RBFOX1: variants seen among roughly 807,000 people sequenced by gnomAD.
The protein encoded by RBFOX1 is RNA binding fox-1 homolog 1.
Under a neutral mutation model 57.7 loss-of-function variants are expected in RBFOX1, and 8 were observed. That is an observed-to-expected ratio of 0.14 (90% confidence interval 0.08 to 0.25). The LOEUF is 0.25. RBFOX1 is among the 10% of genes least tolerant of loss of function. The pLI, the probability that RBFOX1 is intolerant of heterozygous loss-of-function variation, is 1.00. For synonymous variants in RBFOX1, 326 were observed against 222.4 expected (o/e 1.47, Z -4.15); for missense variants, 611 against 548.5 (o/e 1.11, Z -1.14).
chr16:5,434,876 G>C (rs2067868922), intron 1 of RBFOX1, among the ~76,000 whole-genome samples: 1 of 147,252 alleles, frequency 6.8e-6, no homozygotes, highest in African/African-American at 2.5e-5. Flanking sequence ...GCTTTACATA[G>C]CATGTCTTGA....
rs79246139 is a variant in RBFOX1, at chr16:6,442,125, G to A, written c.-64+125068G>A. Among the ~76,000 whole-genome samples, 1,254 of 152,248 alleles carry A rather than the reference G, an allele frequency of 8.2e-3. 8 individuals carry two copies. Among genetic ancestry groups the A allele is most frequent in the Non-Finnish European group, 0.011 (780 of 68,030 alleles). The stretch of plus-strand genomic sequence containing the variant: ...CCGGGTGATAGAAAGGGTCATTGAC[G>A]TCCAGCCCTTCAGCAGCCAGTGAGA... On this transcript the variant is annotated intron_variant, in intron 2 of 15. Transcript: ENST00000550418.
intron 5 of RBFOX1, among the ~76,000 whole-genome samples, chr16:7,542,782 A>G (rs2083304009): frequency 6.7e-6 from 1 of 150,096 alleles, no homozygotes; most frequent in Admixed American, 6.7e-5. Flanking sequence ...CATGAGAATC[A>G]ATTGAACCTG....
At chr16:7,109,769 C>G (rs1166711218) in intron 4 of RBFOX1, among the ~76,000 whole-genome samples, 1 of 152,088 alleles carries the variant, frequency 6.6e-6, no homozygotes, top group Non-Finnish European at 1.5e-5. Flanking sequence ...CTCCTTTGAG[C>G]AATTTCATTC....
intron 3 of RBFOX1, among the ~76,000 whole-genome samples, chr16:5,825,761 GGAA>G: frequency 6.9e-6 from 1 of 145,560 alleles, no homozygotes; most frequent in Non-Finnish European, 1.5e-5. Flanking sequence ...ATATGAATAA[GGAA>G]TAATATTCCT....
chr16:6,669,576 G>A (rs1029798893), intron 3 of RBFOX1, among the ~76,000 whole-genome samples: 1 of 152,254 alleles, frequency 6.6e-6, no homozygotes, highest in South Asian at 2.1e-4. Context: ...TTATGAAAAA[G>A]TCGTTAGAAT....
chr16:5,716,239 C>T (rs759663959), intron 3 of RBFOX1, among the ~76,000 whole-genome samples: 1 of 152,244 alleles, frequency 6.6e-6, no homozygotes, highest in Non-Finnish European at 1.5e-5. Context: ...TTAAAATCAG[C>T]GGCAAAAACT....
At chr16:6,743,551 G>A (rs1169911191) in intron 3 of RBFOX1, among the ~76,000 whole-genome samples, 4 of 152,060 alleles carry the variant, frequency 2.6e-5, no homozygotes, top group African/African-American at 7.3e-5. Flanking sequence ...AGACCAACCT[G>A]AGCAACATGA....
intron 4 of RBFOX1, among the ~76,000 whole-genome samples, chr16:7,409,487 A>G (rs1195212234): frequency 6.6e-6 from 1 of 152,236 alleles, no homozygotes; most frequent in East Asian, 1.9e-4. Flanking sequence ...AGGGCTCCTG[A>G]ACACAATTCT....
chr16:7,511,398 C>G (rs1485913803), intron 4 of RBFOX1, among the ~76,000 whole-genome samples: 2 of 152,140 alleles, frequency 1.3e-5, no homozygotes, highest in East Asian at 1.9e-4. Flanking sequence ...ATCTTATTTT[C>G]TCTCTGACTC....
intron 3 of RBFOX1, among the ~76,000 whole-genome samples, chr16:6,673,136 CA>C (rs1312084324): frequency 3.3e-5 from 5 of 152,144 alleles, no homozygotes; most frequent in African/African-American, 1.2e-4. Context: ...GTGCAATTTC[CA>C]GGTGATCAGT....
At chr16:7,070,545 G>C (rs1735559821) in intron 4 of RBFOX1, among the ~76,000 whole-genome samples, 1 of 152,150 alleles carries the variant, frequency 6.6e-6, no homozygotes, top group African/African-American at 2.4e-5. Flanking sequence ...TGTTTTTATA[G>C]ATGTCTGAAT....
At chr16:5,425,242 A>G (rs1468998771) in intron 1 of RBFOX1, among the ~76,000 whole-genome samples, 1 of 151,644 alleles carries the variant, frequency 6.6e-6, no homozygotes, top group African/African-American at 2.4e-5. Context: ...AGTAGCTGGG[A>G]TTATAGACGT....
chr16:6,656,599 GACACACACACAC>G lies in RBFOX1; in HGVS notation c.-16+1970_-16+1981del, dbSNP rs60723864. 2.0e-4 allele frequency among the ~76,000 whole-genome samples: 30 copies of G among 146,396 alleles called. No individual in the cohort carries two copies. In the South Asian group the frequency reaches 3.1e-3, roughly 15 times the overall value. ...GCTCTTCTCAAGAAAGGGGAAAATA[GACACACACACAC>G]ACACACACACACACACACACTTCTA... On this transcript the variant is annotated intron_variant, in intron 3 of 15. Coordinates refer to ENST00000550418, the MANE Select transcript of RBFOX1 (RefSeq NM_018723.4).
chr16:6,848,240 C>T (rs1055877195), intron 3 of RBFOX1, among the ~76,000 whole-genome samples: 3 of 152,026 alleles, frequency 2.0e-5, no homozygotes, highest in Non-Finnish European at 4.4e-5. Context: ...CATGACCATT[C>T]AAAGGGAGTC....
chr16:7,023,179 C>T lies in RBFOX1; in HGVS notation c.-15-28878C>T, dbSNP rs578110816. ...GCTGCAGAAGGAGGGAGGTAATGAC[C>T]ATTATGAAATGAATGGGCTGGGCAT... On this transcript the variant is annotated intron_variant, in intron 3 of 15. Coordinates refer to ENST00000550418, the MANE Select transcript of RBFOX1 (RefSeq NM_018723.4). 2.0e-5 allele frequency among the ~76,000 whole-genome samples: 3 copies of T among 151,930 alleles called. No homozygotes were observed. The East Asian group carries it at 5.8e-4, about 30-fold the overall frequency.
chr16:6,235,917 C>T (rs8053341), intron 1 of RBFOX1, among the ~76,000 whole-genome samples: 29,745 of 151,746 alleles, frequency 0.2, 3,565 homozygotes, highest in African/African-American at 0.34. Context: ...GTATACTGCT[C>T]GGGTGATGGG....
intron 5 of RBFOX1, among the ~76,000 whole-genome samples, chr16:7,564,835 G>A (rs988284559): frequency 3.3e-5 from 5 of 152,136 alleles, no homozygotes; most frequent in Non-Finnish European, 5.9e-5. Flanking sequence ...AAAGGAATTC[G>A]GAGTCAGCCC....
At chr16:6,940,632 C>G (rs970546240) in intron 3 of RBFOX1, among the ~76,000 whole-genome samples, 1 of 152,152 alleles carries the variant, frequency 6.6e-6, no homozygotes, top group East Asian at 1.9e-4. Flanking sequence ...GAGTCTTACT[C>G]TGTCACCCAG....
chr16:7,238,572 C>G (rs1358871334), intron 4 of RBFOX1, among the ~76,000 whole-genome samples: 1 of 152,136 alleles, frequency 6.6e-6, no homozygotes, highest in Admixed American at 6.5e-5. Context: ...CTGTGTTCTT[C>G]CCATCTTGTG....
Sources: gnomAD v4.1 joint callset for allele counts (sites outside exome capture counted in the v4.1 genomes callset) on GRCh38, gnomAD v4.1.1 for gene constraint, MANE v1.5 for transcripts, NCBI Gene and HGNC (gene_info 2026-07-23, HGNC 2026-07-21) for gene names.